ADAMTS17: variants seen among roughly 807,000 people sequenced by gnomAD.
The protein encoded by ADAMTS17 is ADAM metallopeptidase with thrombospondin type 1 motif 17.
ADAMTS17 carries 113 observed loss-of-function variants against 141.5 expected under a neutral mutation model. The observed-to-expected ratio is 0.80, with a 90% confidence interval of 0.69 to 0.93. The LOEUF (loss-of-function observed/expected upper bound fraction) is 0.93. Ranked by LOEUF, ADAMTS17 falls within the 40% of genes least tolerant of loss-of-function variation. ADAMTS17 has a pLI of 0.00. For synonymous variants in ADAMTS17, 768 were observed against 630.6 expected (o/e 1.22, Z -3.27); for missense variants, 1,659 against 1,517.9 (o/e 1.09, Z -1.54).
intron 15 of ADAMTS17, among the ~76,000 whole-genome samples, chr15:100,076,037 TTTTC>T (rs1176841190): frequency 2.6e-5 from 4 of 151,388 alleles, no homozygotes; most frequent in Non-Finnish European, 5.9e-5. Flanking sequence ...TGAATTCTTA[TTTTC>T]TTTCTTTTTT....
chr15:100,040,623 T>C (rs2622527), intron 18 of ADAMTS17, among the ~76,000 whole-genome samples: 98,697 of 150,660 alleles, frequency 0.66, 33,825 homozygotes, highest in Non-Finnish European at 0.77. Flanking sequence ...GTGAACCTGG[T>C]ACCAGGGCAT....
chr15:100,032,830 G>A (rs756102134), intron 18 of ADAMTS17, among the ~76,000 whole-genome samples: 2 of 152,106 alleles, frequency 1.3e-5, no homozygotes, highest in African/African-American at 4.8e-5. Context: ...AGGTGAATAC[G>A]TCGACTTTCC....
At chr15:100,313,452 T>C (rs191173773) in intron 3 of ADAMTS17, among the ~76,000 whole-genome samples, 8 of 152,332 alleles carry the variant, frequency 5.3e-5, no homozygotes, top group Non-Finnish European at 8.8e-5. Flanking sequence ...TGCAAAAGTG[T>C]TTGGAAGATT....
chr15:100,255,733 G>C (rs996899986), intron 6 of ADAMTS17, among the ~76,000 whole-genome samples: 2 of 152,124 alleles, frequency 1.3e-5, no homozygotes, highest in Admixed American at 1.3e-4. Context: ...GGCAAAGGGA[G>C]AAAGGGACCA....
intron 13 of ADAMTS17, among the ~76,000 whole-genome samples, chr15:100,112,885 G>A (rs569122430): frequency 6.6e-6 from 1 of 152,270 alleles, no homozygotes; most frequent in African/African-American, 2.4e-5. Flanking sequence ...GCCCGCTGGA[G>A]GTTTGGAACA....
chr15:100,140,488 C>CATATATATATATATATATATATATATAT lies in ADAMTS17; in HGVS notation c.1474-7174_1474-7173insATATATATATATATATATATATATATAT, dbSNP rs60035034. On this transcript the variant is annotated intron_variant, in intron 10 of 21. Coordinates refer to ENST00000268070, the MANE Select transcript of ADAMTS17 (RefSeq NM_139057.4). ...ACACACAGACACACACACATACATACATATATATATATATATATATCCAGT... is the reference window on the plus strand; with the variant it reads ...ACACACAGACACACACACATACATACATATATATATATATATATATATATATATATATATATATATATATATATCCAGT... 9.1e-3 allele frequency among the ~76,000 whole-genome samples: 1,127 copies of CATATATATATATATATATATATATATAT among 124,510 alleles called. 52 individuals are homozygous for CATATATATATATATATATATATATATAT. The highest frequency in any genetic ancestry group is 0.014 in the Non-Finnish European group (782 of 56,618). 81.7% of individuals were successfully genotyped at this position (124,510 alleles called of 152,430 possible).
intron 20 of ADAMTS17, among the ~76,000 whole-genome samples, chr15:99,987,886 A>T (rs1244221909): frequency 1.3e-5 from 2 of 152,012 alleles, no homozygotes; most frequent in East Asian, 1.9e-4. Context: ...GTGGGTGGTG[A>T]GGTCCACAGT....
chr15:100,226,367 A>T (rs1256599216), intron 7 of ADAMTS17, among the ~76,000 whole-genome samples: 1 of 152,244 alleles, frequency 6.6e-6, no homozygotes, highest in African/African-American at 2.4e-5. Flanking sequence ...CAGCCGGGGG[A>T]AAAGGAGGCT....
rs1009143587 is a variant in ADAMTS17, at chr15:100,063,855, C to A, written c.2138-9801G>T. ...GCCAAAATCTAGCTACCAAGCCCCC[C>A]ACAGTGGCTTCAGAAATGGAGGGCT... On this transcript the variant is annotated intron_variant, in intron 15 of 21. Transcript: ENST00000268070. 4.8e-6 allele frequency: 4 copies of A among 834,552 alleles called. No individual in the cohort carries two copies. In the East Asian group the frequency reaches 1.9e-4, roughly 40 times the overall value. 51.7% of individuals were successfully genotyped at this position (834,552 alleles called of 1,614,324 possible). A position where few individuals can be genotyped will look rare whatever the true frequency, so the allele number is the denominator to read the frequency against.
intron 7 of ADAMTS17, among the ~76,000 whole-genome samples, chr15:100,234,001 C>A (rs925090292): frequency 6.6e-6 from 1 of 152,120 alleles, no homozygotes; most frequent in African/African-American, 2.4e-5. Flanking sequence ...CCCACAGGAT[C>A]TGGTTTGGGG....
At chr15:100,153,336 C>T (rs968221457) in intron 9 of ADAMTS17, among the ~76,000 whole-genome samples, 14 of 152,164 alleles carry the variant, frequency 9.2e-5, no homozygotes, top group African/African-American at 2.4e-4. Context: ...GTGAGAGGCG[C>T]GTCTCTAAAA....
intron 18 of ADAMTS17, among the ~76,000 whole-genome samples, chr15:100,017,906 G>A (rs574033482): frequency 6.6e-6 from 1 of 152,076 alleles, no homozygotes; most frequent in Non-Finnish European, 1.5e-5. Flanking sequence ...TTTTGTCGTG[G>A]TAAAATATAC....
chr15:100,049,067 A>T lies in ADAMTS17; in HGVS notation c.2456-75T>A, dbSNP rs2031938689. On this transcript the variant is annotated intron_variant, in intron 17 of 21. Transcript: ENST00000268070. ...GAAAGGCTGGGCTTGCATGCCCATG[A>T]AAGCATGTTTGGGTGCTGCTGATGG... 3 of 1,608,244 alleles carry T rather than the reference A, an allele frequency of 1.9e-6. No homozygotes were observed. The East Asian group carries it at 6.7e-5, about 36-fold the overall frequency.
rs188465000 is a variant in ADAMTS17 at position 100,284,480 on chromosome 15, G to A, written c.617-3079C>T. 4.3e-3 allele frequency among the ~76,000 whole-genome samples: 650 copies of A among 152,322 alleles called. 5 individuals are homozygous for A. The highest frequency in any genetic ancestry group is 6.8e-3 in the South Asian group (33 of 4,830). On this transcript the variant is annotated intron_variant, in intron 3 of 21. Transcript: ENST00000268070. ...TGCAGGGCAGAGCTTGCCACAAAAT[G>A]AGTGTTGAAACCCCTGGATTTTGGA...
chr15:100,212,261 C>T (rs903093298), intron 7 of ADAMTS17, among the ~76,000 whole-genome samples: 5 of 152,102 alleles, frequency 3.3e-5, no homozygotes, highest in East Asian at 1.9e-4. Context: ...CCCCTGTAAC[C>T]GCAGCAAAGG....
In ADAMTS17 at chr15:100,100,980, TCTTAA is replaced by T. The variant is rs534292375; in HGVS notation, c.2017-4509_2017-4505del. Among the ~76,000 whole-genome samples the T allele has an allele frequency of 2.3e-3, 351 of 150,522 alleles. 1 individual carries two copies. Among genetic ancestry groups the T allele is most frequent in the Non-Finnish European group, 3.3e-3 (222 of 67,840 alleles). Reference sequence around the variant, plus strand: ...AGCCAGGTGGGCAACCAGAATAGCCTCTTAACTTGTTTCCTGGGATCTACTTGAGT... The same window carrying T: ...AGCCAGGTGGGCAACCAGAATAGCCTCTTGTTTCCTGGGATCTACTTGAGT... On this transcript the variant is annotated intron_variant, in intron 14 of 21. Coordinates refer to ENST00000268070, the MANE Select transcript of ADAMTS17 (RefSeq NM_139057.4).
chr15:99,985,119 C>T (rs2060560028), intron 20 of ADAMTS17, among the ~76,000 whole-genome samples: 1 of 152,254 alleles, frequency 6.6e-6, no homozygotes, highest in Non-Finnish European at 1.5e-5. Flanking sequence ...CTCTGTAAAG[C>T]ACGGATGGCC....
chr15:99,996,401 C>CA (rs947622965), intron 19 of ADAMTS17, among the ~76,000 whole-genome samples: 15 of 151,198 alleles, frequency 9.9e-5, no homozygotes, highest in African/African-American at 1.5e-4. Flanking sequence ...AGCAAGGGGC[C>CA]AAAAAAAATC....
chr15:100,109,161 G>A (rs569446885), intron 13 of ADAMTS17, 45 bp from the exon 14 acceptor site: 24 of 1,571,110 alleles, frequency 1.5e-5, no homozygotes, highest in Admixed American at 1.1e-4. Flanking sequence ...GAAGGTGTGC[G>A]TGGGCCATGC....
Sources: allele counts gnomAD v4.1 joint callset (sites outside exome capture counted in the v4.1 genomes callset), GRCh38; gene constraint gnomAD v4.1.1; transcripts MANE v1.5; gene names NCBI Gene and HGNC (gene_info 2026-07-23, HGNC 2026-07-21).